Variants in TTC21B observed in about 807,000 individuals in gnomAD.
TTC21B encodes the protein tetratricopeptide repeat protein 21B.
TTC21B carries 127 observed loss-of-function variants against 175.1 expected under a neutral mutation model. The observed-to-expected ratio is 0.73, with a 90% CI of 0.63 to 0.84. TTC21B has a LOEUF of 0.84. TTC21B is among the 40% of genes least tolerant of loss of function. The pLI is 0.00. For missense variants in TTC21B, 1,561 were observed against 1,558.3 expected, an observed-to-expected ratio of 1.00 and a Z score of -0.03; for synonymous variants, 524 against 524.5, an observed-to-expected ratio of 1.00 and a Z score of 0.01.
chr2:165,941,288 G>A, intron 5 of TTC21B, 104 bp from the exon 6 acceptor site: 3 of 1,246,324 alleles, frequency 2.4e-6, no homozygotes, highest in Non-Finnish European at 3.5e-6. Context: ...TTACTTTTCT[G>A]TGAGGAGCAG....
chr2:165,898,898 G>C (rs1559046399), intron 21 of TTC21B, 131 bp from the exon 22 acceptor site: 2 of 690,300 alleles, frequency 2.9e-6, no homozygotes, highest in East Asian at 2.7e-5. Context: ...ATAAAAAGGA[G>C]GCATTTAAGA....
In TTC21B at chr2:165,914,657, CTGTGTG is replaced by C. The variant is rs551411661; in HGVS notation, c.2138+538_2138+543del. Among the ~76,000 whole-genome samples, 341 of 118,176 alleles carry C rather than the reference CTGTGTG, an allele frequency of 2.9e-3. 1 individual carries two copies. Among genetic ancestry groups the C allele is most frequent in the African/African-American group, 0.013 (311 of 23,404 alleles). 77.5% of individuals were successfully genotyped at this position (118,176 alleles called of 152,430 possible). ...GTTTGGGGAGAAGAGGAAGAGCAAT[CTGTGTG>C]TGTGTGTGTGTGTGTGTGTGTGTGT... is the stretch of plus-strand genomic sequence containing the variant. On this transcript the variant is annotated intron_variant, in intron 15 of 28. Transcript: ENST00000243344.
chr2:165,953,020 A>G (rs1452459168), intron 1 of TTC21B, among the ~76,000 whole-genome samples: 2 of 152,246 alleles, frequency 1.3e-5, no homozygotes, highest in African/African-American at 2.4e-5. Flanking sequence ...GCTCACTGCT[A>G]TCTCCAGCTT....
chr2:165,911,904 A>T (rs1685962676), intron 17 of TTC21B, among the ~76,000 whole-genome samples: 1 of 152,062 alleles, frequency 6.6e-6, no homozygotes, highest in Non-Finnish European at 1.5e-5. Context: ...AACTCAATTG[A>T]TCCACCCGTC....
chr2:165,898,346 A>C (rs1397279195), intron 22 of TTC21B, among the ~76,000 whole-genome samples: 1 of 152,164 alleles, frequency 6.6e-6, no homozygotes, highest in East Asian at 1.9e-4. Flanking sequence ...CTCTTAGTGA[A>C]GTAGGTGGCA....
chr2:165,903,920 G>A (rs940348214), intron 19 of TTC21B, among the ~76,000 whole-genome samples: 3 of 152,152 alleles, frequency 2.0e-5, no homozygotes, highest in African/African-American at 7.2e-5. Flanking sequence ...TATACAGCAT[G>A]TCATTAGTGG....
intron 25 of TTC21B, among the ~76,000 whole-genome samples, chr2:165,887,060 A>G (rs7568846): frequency 6.6e-6 from 1 of 152,104 alleles, no homozygotes; most frequent in East Asian, 1.9e-4. Flanking sequence ...GCCATCTAGG[A>G]TACTTGTACC....
chr2:165,896,425 G>T (rs74642985), intron 22 of TTC21B, among the ~76,000 whole-genome samples: 1 of 151,952 alleles, frequency 6.6e-6, no homozygotes, highest in African/African-American at 2.4e-5. Flanking sequence ...GAAGGACAAC[G>T]TTTCTGGTCA....
At chr2:165,948,512 G>A (rs772841347) in intron 3 of TTC21B, 2 of 152,220 alleles carry the variant, frequency 1.3e-5, no homozygotes, top group Middle Eastern at 3.4e-3. Flanking sequence ...AAAAAGTCTC[G>A]TCTAATATTC....
In TTC21B at chr2:165,883,772, T is replaced by A. The variant is rs376281853; in HGVS notation, c.3684+22A>T. The A allele has an allele frequency of 9.4e-5, 148 of 1,580,808 alleles. No homozygotes were observed. In the South Asian group the frequency reaches 1.3e-3, roughly 13 times the overall value. ...TTATGCAACAAAGGTCAATAATTAT[T>A]TTTTACTCTTCAATCACCTACTCTA... is the stretch of plus-strand genomic sequence containing the variant. On this transcript the variant is annotated intron_variant, in intron 26 of 28. Coordinates refer to ENST00000243344, the MANE Select transcript of TTC21B (RefSeq NM_024753.5).
intron 8 of TTC21B, among the ~76,000 whole-genome samples, chr2:165,930,825 C>G (rs1027168833): frequency 6.9e-6 from 1 of 144,216 alleles, no homozygotes; most frequent in African/African-American, 2.5e-5. Context: ...TCTGTTTTCC[C>G]CCTAAACACT....
chr2:165,928,301 C>A (rs1686752200), intron 11 of TTC21B, among the ~76,000 whole-genome samples: 1 of 151,932 alleles, frequency 6.6e-6, no homozygotes, highest in Admixed American at 6.6e-5. Context: ...ACATTTGAGT[C>A]CAAAAGTACA....
chr2:165,949,295 T>A, intron 3 of TTC21B, 99 bp downstream of exon 3: 1 of 887,422 alleles, frequency 1.1e-6, no homozygotes, highest in Non-Finnish European at 1.9e-6. Context: ...AGAAAATACA[T>A]AATATAGTGT....
Position 165,941,084 on chromosome 2 carries a change from T to G in TTC21B, c.653A>C (p.Lys218Thr), listed in dbSNP as rs2105360454. Reference sequence around the variant, plus strand: ...CTGCAAGGCTAGTTGTAATTTCATTTTCTTAACAAAAGCAGGAAGGAAGCT... The same window carrying G: ...CTGCAAGGCTAGTTGTAATTTCATTGTCTTAACAAAAGCAGGAAGGAAGCT... Reference protein sequence around the residue: ...FPSFLPAFVKKMKLQLALQDW... With the variant: ...FPSFLPAFVKTMKLQLALQDW... Residue 218 changes from lysine to threonine, a missense_variant, in exon 6 of 29, where the codon AAA becomes ACA. Transcript: ENST00000243344. The G allele has an allele frequency of 6.2e-7, 1 of 1,613,996 alleles. No individual in the cohort carries two copies. The highest frequency in any genetic ancestry group is 2.2e-5 in the East Asian group (1 of 44,874).
intron 4 of TTC21B, 70 bp from the exon 5 acceptor site, chr2:165,943,411 A>C: frequency 2.4e-6 from 3 of 1,247,146 alleles, no homozygotes; most frequent in South Asian, 1.3e-5. Context: ...AAAGAGCCTA[A>C]TGTCATTTTT....
intron 22 of TTC21B, among the ~76,000 whole-genome samples, chr2:165,892,588 G>T (rs985098037): frequency 1.3e-5 from 2 of 152,180 alleles, no homozygotes; most frequent in Non-Finnish European, 2.9e-5. Flanking sequence ...GAACTGTGAA[G>T]ACATTATACC....
At chr2:165,903,471 A>C (rs534787812) in intron 19 of TTC21B, among the ~76,000 whole-genome samples, 1 of 152,338 alleles carries the variant, frequency 6.6e-6, no homozygotes, top group Non-Finnish European at 1.5e-5. Flanking sequence ...CCATGTTTAT[A>C]GGCATTGGCA....
intron 6 of TTC21B, among the ~76,000 whole-genome samples, chr2:165,938,897 A>G (rs1004916963): frequency 1.3e-4 from 20 of 152,178 alleles, no homozygotes; most frequent in African/African-American, 4.1e-4. Flanking sequence ...AAAAAACACA[A>G]TATTTGAGAC....
chr2:165,935,933 G>C (rs1687121519), intron 6 of TTC21B, among the ~76,000 whole-genome samples: 1 of 148,840 alleles, frequency 6.7e-6, no homozygotes, highest in Non-Finnish European at 1.5e-5. Context: ...CAAAATCCCA[G>C]CAAGTTATTT....
Sources: allele counts gnomAD v4.1 joint callset (sites outside exome capture counted in the v4.1 genomes callset), GRCh38; gene constraint gnomAD v4.1.1; transcripts MANE v1.5; gene names NCBI Gene and HGNC (gene_info 2026-07-23, HGNC 2026-07-21).